The following DIAPH1 variants were observed in gnomAD, a reference collection of about 807,000 sequenced individuals.
DIAPH1 encodes the protein protein diaphanous homolog 1.
In DIAPH1, 46 loss-of-function variants were observed where a neutral mutation model predicts 140.7. The ratio of observed to expected loss-of-function variants is 0.33; its 90% CI spans 0.26 to 0.42. The LOEUF (loss-of-function observed/expected upper bound fraction) is 0.42, where lower values mean the gene tolerates loss of function less well. DIAPH1 is among the 10% of genes least tolerant of loss of function. The pLI is 1.00. For synonymous variants in DIAPH1, 565 were observed against 551.6 expected (o/e 1.02, Z -0.34); for missense variants, 1,310 against 1,558.7 (o/e 0.84, Z 2.69).
intron 18 of DIAPH1, among the ~76,000 whole-genome samples, chr5:141,547,907 T>A (rs920612717): frequency 6.6e-6 from 1 of 151,968 alleles, no homozygotes; most frequent in African/African-American, 2.4e-5. Context: ...AAAAAAAAAA[T>A]CCTTGCTGGG....
intron 1 of DIAPH1, among the ~76,000 whole-genome samples, chr5:141,603,600 T>C (rs2099900491): frequency 6.6e-6 from 1 of 152,224 alleles, no homozygotes; most frequent in Non-Finnish European, 1.5e-5. Flanking sequence ...GTAGTAACTG[T>C]AGTCCATTCT....
At chr5:141,540,508 C>T (rs2099889807) in intron 18 of DIAPH1, among the ~76,000 whole-genome samples, 1 of 151,890 alleles carries the variant, frequency 6.6e-6, no homozygotes, top group Non-Finnish European at 1.5e-5. Flanking sequence ...TCTCGAACTC[C>T]TGACCTCGTG....
At chr5:141,539,103 T>C (rs1348756607) in intron 18 of DIAPH1, among the ~76,000 whole-genome samples, 2 of 151,694 alleles carry the variant, frequency 1.3e-5, no homozygotes, top group East Asian at 4.0e-4. Flanking sequence ...GGTGAAACCC[T>C]GTCTCTACTA....
chr5:141,529,377 T>C, intron 20 of DIAPH1, 104 bp from the exon 21 acceptor site: 6 of 1,039,838 alleles, frequency 5.8e-6, no homozygotes, highest in South Asian at 2.6e-5. Flanking sequence ...TCAAGGACCA[T>C]ACAGAAAGAA....
chr5:141,524,073 C>G (rs374393341), intron 27 of DIAPH1, 70 bp downstream of exon 27: 1 of 1,331,882 alleles, frequency 7.5e-7, no homozygotes, highest in East Asian at 2.3e-5. Flanking sequence ...GCTCTTTAGC[C>G]GCAGACTGGC....
chr5:141,579,275 G>A (rs983122005), intron 8 of DIAPH1, 79 bp from the exon 9 acceptor site: 1 of 1,010,792 alleles, frequency 9.9e-7, no homozygotes, highest in Non-Finnish European at 1.6e-6. Context: ...TTACACAGGG[G>A]CACAGACCGA....
At chr5:141,555,045 C>T (rs1018566911) in intron 18 of DIAPH1, among the ~76,000 whole-genome samples, 2 of 152,088 alleles carry the variant, frequency 1.3e-5, no homozygotes, top group Admixed American at 1.3e-4. Flanking sequence ...TGTAAATTTC[C>T]TTTTAAATTT....
At chr5:141,591,092 A>G (rs1474959610) in intron 1 of DIAPH1, among the ~76,000 whole-genome samples, 1 of 152,034 alleles carries the variant, frequency 6.6e-6, no homozygotes, top group African/African-American at 2.4e-5. Flanking sequence ...CCCCAGTCTC[A>G]TCTTCTCAGC....
intron 18 of DIAPH1, among the ~76,000 whole-genome samples, chr5:141,562,491 T>A (rs1431750704): frequency 7.3e-5 from 11 of 151,448 alleles, no homozygotes; most frequent in Non-Finnish European, 1.6e-4. Context: ...ATAATCAAAC[T>A]AATAAAAATG....
chr5:141,533,437 A>G (rs971061768), intron 19 of DIAPH1, among the ~76,000 whole-genome samples: 1 of 152,244 alleles, frequency 6.6e-6, no homozygotes, highest in Non-Finnish European at 1.5e-5. Flanking sequence ...ACTTCAGAAC[A>G]GAACCCTTCT....
chr5:141,567,621 C>T (rs538041634), intron 18 of DIAPH1, among the ~76,000 whole-genome samples: 3 of 152,282 alleles, frequency 2.0e-5, no homozygotes, highest in African/African-American at 2.4e-5. Context: ...AGGCTGAGCT[C>T]TCACAAAACC....
chr5:141,615,074 C>T (rs372881624), intron 1 of DIAPH1, among the ~76,000 whole-genome samples: 1 of 152,120 alleles, frequency 6.6e-6, no homozygotes. Flanking sequence ...CGTGTAACTG[C>T]AACATGATCA....
intron 1 of DIAPH1, among the ~76,000 whole-genome samples, chr5:141,604,924 C>T (rs1482966253): frequency 6.6e-6 from 1 of 152,156 alleles, no homozygotes; most frequent in Non-Finnish European, 1.5e-5. Flanking sequence ...TATTATTTCT[C>T]TACCACCAGA....
intron 1 of DIAPH1, among the ~76,000 whole-genome samples, chr5:141,610,461 C>A (rs1286113286): frequency 1.3e-5 from 2 of 152,094 alleles, no homozygotes; most frequent in Non-Finnish European, 2.9e-5. Context: ...CCACCACGCC[C>A]AGCTAAGTTT....
intron 18 of DIAPH1, among the ~76,000 whole-genome samples, chr5:141,547,696 A>G (rs1196282598): frequency 6.6e-6 from 1 of 152,190 alleles, no homozygotes; most frequent in Admixed American, 6.5e-5. Flanking sequence ...CAATGGTCCA[A>G]CATATGTATA....
intron 1 of DIAPH1, among the ~76,000 whole-genome samples, chr5:141,592,706 T>C (rs939610341): frequency 6.6e-6 from 1 of 152,238 alleles, no homozygotes; most frequent in African/African-American, 2.4e-5. Context: ...CTTACTGTCC[T>C]AGGCTGGCTG....
chr5:141,592,518 AAC>A lies in DIAPH1; in HGVS notation c.118-4270_118-4269del, dbSNP rs869183306. ...CAACAACAACAACAACAACAACAAC[AAC>A]AAAAACACAGGAGTCCAGGGAGATA... On this transcript the variant is annotated intron_variant, in intron 1 of 27. Coordinates refer to ENST00000389054, the MANE Select transcript of DIAPH1 (RefSeq NM_005219.5). 1.8e-3 allele frequency among the ~76,000 whole-genome samples: 274 copies of A among 152,134 alleles called. 1 individual carries two copies. The highest frequency in any genetic ancestry group is 6.3e-3 in the African/African-American group (262 of 41,430).
At chr5:141,584,005 T>C in intron 4 of DIAPH1, 119 bp downstream of exon 4, 1 of 701,938 alleles carries the variant, frequency 1.4e-6, no homozygotes, top group African/African-American at 1.8e-5. Context: ...CAGGCTTATA[T>C]AATGGAATGA....
intron 7 of DIAPH1, 174 bp downstream of exon 7, chr5:141,582,138 G>A: frequency 4.3e-6 from 2 of 466,006 alleles, no homozygotes; most frequent in Non-Finnish European, 8.0e-6. Context: ...TTAGAACTGA[G>A]AAAAAAATAT....
Sources: gnomAD v4.1 joint callset for allele counts (sites outside exome capture counted in the v4.1 genomes callset) on GRCh38, gnomAD v4.1.1 for gene constraint, MANE v1.5 for transcripts, NCBI Gene and HGNC (gene_info 2026-07-23, HGNC 2026-07-21) for gene names.